Variants in CCDC34 observed in about 807,000 individuals in gnomAD.
CCDC34 encodes the protein coiled-coil domain containing 34, also known as coiled-coil domain-containing protein 34.
A neutral mutation model predicts 44.1 loss-of-function variants in CCDC34; 40 were observed. The observed-to-expected ratio is 0.91, with a 90% CI of 0.70 to 1.18. CCDC34 has a LOEUF of 1.18. Among genes scored for constraint, CCDC34 ranks in the 50% most tolerant of loss-of-function variants. CCDC34 has a pLI of 0.00. For synonymous variants in CCDC34, 159 were observed against 158.2 expected (o/e 1.01, Z -0.04); for missense variants, 466 against 452.3 (o/e 1.03, Z -0.28).
rs1321552825 is a variant in CCDC34 at position 27,338,733 on chromosome 11, T to G, written c.*88A>C. On this transcript the variant is annotated 3_prime_UTR_variant, in exon 6 of 6. Transcript: ENST00000328697. ...GCTATTTGTCAATAATCACATTAAG[T>G]GTTGAGTTATTGACTGAGCAGTAAA... 1 of 1,006,350 alleles carries G rather than the reference T, an allele frequency of 9.9e-7. No homozygotes were observed. Among genetic ancestry groups the G allele is most frequent in the South Asian group, 1.4e-5 (1 of 70,096 alleles). 62.3% of individuals were successfully genotyped at this position (1,006,350 alleles called of 1,614,324 possible).
chr11:27,349,184 T>C, intron 3 of CCDC34: 1 of 972,448 alleles, frequency 1.0e-6, no homozygotes, highest in Non-Finnish European at 1.2e-6. Context: ...AATAATTTTG[T>C]TTTATAGTTA....
intron 3 of CCDC34, chr11:27,349,860 T>C (rs1862480249): frequency 1.0e-6 from 1 of 983,582 alleles, no homozygotes; most frequent in Non-Finnish European, 1.2e-6. Flanking sequence ...AAAGATATAA[T>C]GGAAAGAGAT....
chr11:27,353,794 A>AG (rs1862536225), intron 2 of CCDC34, among the ~76,000 whole-genome samples: 1 of 152,180 alleles, frequency 6.6e-6, no homozygotes, highest in African/African-American at 2.4e-5. Context: ...ATTAAAAAAT[A>AG]AATACTAAGT....
intron 1 of CCDC34, among the ~76,000 whole-genome samples, chr11:27,358,956 G>A (rs113674018): frequency 1.9e-5 from 1 of 52,470 alleles, no homozygotes; most frequent in African/African-American, 3.8e-5. Flanking sequence ...GTCAACATGT[G>A]GACCCCCCCC....
intron 5 of CCDC34, 92 bp downstream of exon 5, chr11:27,340,604 T>C: frequency 7.8e-7 from 1 of 1,283,772 alleles, no homozygotes. Flanking sequence ...GAAAGAAAAA[T>C]AATTTTTACA....
intron 1 of CCDC34, among the ~76,000 whole-genome samples, chr11:27,357,915 A>T (rs1421694292): frequency 6.6e-6 from 1 of 152,068 alleles, no homozygotes; most frequent in Non-Finnish European, 1.5e-5. Context: ...ACTGAAGCAG[A>T]CTCTTCCCTT....
At position 27,345,602 on chromosome 11, in the gene CCDC34, A is replaced by G. The variant is rs1044804498; in HGVS notation, c.607-4052T>C. Among the ~76,000 whole-genome samples the G allele has an allele frequency of 3.9e-5, 6 of 152,114 alleles. 1 individual carries two copies. The highest frequency in any genetic ancestry group is 2.6e-4 in the Admixed American group (4 of 15,266). On this transcript the variant is annotated intron_variant, in intron 3 of 5. Transcript: ENST00000328697. Reference sequence around the variant, plus strand: ...TTTCCAGCTTCATCCATGTCCCTACAAAGGACATGAACTCATCATTTTTTA... The same window carrying G: ...TTTCCAGCTTCATCCATGTCCCTACGAAGGACATGAACTCATCATTTTTTA...
chr11:27,357,492 A>G lies in CCDC34; in HGVS notation c.409T>C (p.Leu137=), dbSNP rs1341193518. ...NNQEEQKQVR[L]PESRLTPWEV... ...CATGGTGTCAGGCGGCTTTCTGGTA[A>G]GCGCACCTGTTTCTGTTCTTCTTGG... Residue 137 remains leucine, a synonymous_variant, in exon 2 of 6, where the codon TTA becomes CTA. Transcript: ENST00000328697. The G allele has an allele frequency of 1.9e-6, 3 of 1,613,908 alleles. No individual in the cohort carries two copies. The highest frequency in any genetic ancestry group is 1.3e-5 in the African/African-American group (1 of 74,888).
chr11:27,352,766 T>TA (rs1862520610), intron 2 of CCDC34, among the ~76,000 whole-genome samples: 1 of 152,224 alleles, frequency 6.6e-6, no homozygotes, highest in Non-Finnish European at 1.5e-5. Flanking sequence ...AAATTTTAGT[T>TA]AATGTTGATT....
At chr11:27,339,099 T>A in intron 5 of CCDC34, 64 bp from the exon 6 acceptor site, 3 of 1,179,038 alleles carry the variant, frequency 2.5e-6, no homozygotes, top group Non-Finnish European at 3.7e-6. Flanking sequence ...AGAAGCCACT[T>A]AAAACTTCTA....
intron 3 of CCDC34, among the ~76,000 whole-genome samples, chr11:27,343,497 A>T (rs575452627): frequency 1.3e-5 from 2 of 152,332 alleles, no homozygotes; most frequent in Admixed American, 6.5e-5. Flanking sequence ...GCTGTGAAAC[A>T]GAATCTTTTC....
chr11:27,349,466 A>G lies in CCDC34; in HGVS notation c.606+866T>C, dbSNP rs16916893. 286 of 847,060 alleles carry G rather than the reference A, an allele frequency of 3.4e-4. 1 individual carries two copies. In the African/African-American group the frequency reaches 5.0e-3, roughly 15 times the overall value. 52.5% of individuals were successfully genotyped at this position (847,060 alleles called of 1,614,324 possible). ...AGTACTCTTATTAATACCATTAGGC[A>G]TTAGATTCAACAATAAAGATAAAAA... On this transcript the variant is annotated intron_variant, in intron 3 of 5. Transcript: ENST00000328697.
chr11:27,345,373 G>GTTAA (rs1406816159), intron 3 of CCDC34, among the ~76,000 whole-genome samples: 1 of 152,188 alleles, frequency 6.6e-6, no homozygotes, highest in East Asian at 1.9e-4. Context: ...CCATGTTGGT[G>GTTAA]TGCTGCACCC....
chr11:27,341,341 C>T, intron 4 of CCDC34, 51 bp downstream of exon 4: 1 of 1,113,632 alleles, frequency 9.0e-7, no homozygotes, highest in Non-Finnish European at 1.3e-6. Context: ...ATAGTTGACA[C>T]ATATGAACAC....
chr11:27,361,388 G>C (rs1862662469), intron 1 of CCDC34, among the ~76,000 whole-genome samples: 1 of 152,222 alleles, frequency 6.6e-6, no homozygotes, highest in African/African-American at 2.4e-5. Flanking sequence ...CTTGTGTCCA[G>C]ATTGCTTAGT....
At chr11:27,358,035 C>A (rs1862604010) in intron 1 of CCDC34, among the ~76,000 whole-genome samples, 1 of 152,260 alleles carries the variant, frequency 6.6e-6, no homozygotes, top group Admixed American at 6.5e-5. Flanking sequence ...AATGAAAGTT[C>A]TTTATATTAT....
At chr11:27,345,649 T>C (rs1590324320) in intron 3 of CCDC34, among the ~76,000 whole-genome samples, 1 of 152,096 alleles carries the variant, frequency 6.6e-6, no homozygotes, top group African/African-American at 2.4e-5. Flanking sequence ...TATTCCATGG[T>C]GTATATGTGC....
intron 3 of CCDC34, among the ~76,000 whole-genome samples, chr11:27,342,787 A>G (rs1260034488): frequency 6.6e-6 from 1 of 152,224 alleles, no homozygotes; most frequent in Non-Finnish European, 1.5e-5. Flanking sequence ...TTGATCCTTG[A>G]CACAGACTAT....
chr11:27,353,297 G>T (rs1386154468), intron 2 of CCDC34, among the ~76,000 whole-genome samples: 2 of 151,072 alleles, frequency 1.3e-5, no homozygotes. Context: ...GAATAAAATG[G>T]CCAAAGGCAA....
Sources: gnomAD v4.1 joint callset for allele counts (sites outside exome capture counted in the v4.1 genomes callset) on GRCh38, gnomAD v4.1.1 for gene constraint, MANE v1.5 for transcripts, NCBI Gene and HGNC (gene_info 2026-07-23, HGNC 2026-07-21) for gene names.